GALNTL6: variants seen among roughly 807,000 people sequenced by gnomAD.
GALNTL6 encodes the protein polypeptide N-acetylgalactosaminyltransferase-like 6.
GALNTL6 carries 46 observed loss-of-function variants against 73.7 expected under a neutral mutation model. The ratio of observed to expected loss-of-function variants is 0.62; its 90% CI spans 0.49 to 0.80. The LOEUF is 0.80. Among genes scored for constraint, GALNTL6 ranks in the 30% least tolerant of loss-of-function variants. The probability of loss-of-function intolerance (pLI) is 0.00; values close to 1 mark genes in which losing one functional copy is unlikely to be tolerated. For synonymous variants in GALNTL6, 259 were observed against 263.7 expected (o/e 0.98, Z 0.17); for missense variants, 604 against 755.0 (o/e 0.80, Z 2.34).
intron 5 of GALNTL6, among the ~76,000 whole-genome samples, chr4:172,540,174 C>T (rs1735499680): frequency 6.6e-6 from 1 of 151,646 alleles, no homozygotes; most frequent in South Asian, 2.1e-4. Context: ...CCTCAGCCTC[C>T]CGAGTAGCTG....
chr4:172,089,582 A>G (rs1017043958), intron 2 of GALNTL6, among the ~76,000 whole-genome samples: 9 of 152,166 alleles, frequency 5.9e-5, no homozygotes, highest in Admixed American at 2.6e-4. Flanking sequence ...AATATTCAGG[A>G]TTAAGTCTAG....
chr4:171,871,093 A>G (rs1247490633), intron 2 of GALNTL6, among the ~76,000 whole-genome samples: 1 of 152,206 alleles, frequency 6.6e-6, no homozygotes, highest in Non-Finnish European at 1.5e-5. Flanking sequence ...TAATAATAAA[A>G]TAGTGAACAA....
chr4:171,980,626 C>A (rs915370334), intron 2 of GALNTL6, among the ~76,000 whole-genome samples: 2 of 152,174 alleles, frequency 1.3e-5, no homozygotes, highest in African/African-American at 4.8e-5. Context: ...CGACATCAAA[C>A]TTCTCATCAA....
At chr4:172,975,766 G>C (rs912818887) in intron 10 of GALNTL6, among the ~76,000 whole-genome samples, 3 of 152,172 alleles carry the variant, frequency 2.0e-5, no homozygotes, top group Non-Finnish European at 4.4e-5. Flanking sequence ...TGGCATGTCA[G>C]TGCCATCCGG....
At chr4:172,050,580 C>T (rs976708853) in intron 2 of GALNTL6, among the ~76,000 whole-genome samples, 6 of 152,134 alleles carry the variant, frequency 3.9e-5, no homozygotes, top group Admixed American at 1.3e-4. Context: ...GTCCTTAGCA[C>T]CCCTTTATCT....
intron 10 of GALNTL6, among the ~76,000 whole-genome samples, chr4:172,974,846 T>C (rs1355280763): frequency 6.6e-6 from 1 of 152,228 alleles, no homozygotes; most frequent in Non-Finnish European, 1.5e-5. Flanking sequence ...ACTGGCTCCC[T>C]GCAAGGCTGC....
intron 5 of GALNTL6, among the ~76,000 whole-genome samples, chr4:172,608,371 A>G (rs1225387894): frequency 2.6e-5 from 4 of 152,226 alleles, no homozygotes; most frequent in Admixed American, 2.6e-4. Context: ...TCCCCGTATC[A>G]TTTATTGAAT....
At chr4:172,869,113 T>G (rs1420872294) in intron 7 of GALNTL6, among the ~76,000 whole-genome samples, 3 of 152,122 alleles carry the variant, frequency 2.0e-5, no homozygotes, top group Admixed American at 2.0e-4. Context: ...CTGGAAGGCA[T>G]AGAGCTATCT....
At chr4:172,259,300 T>C (rs564063750) in intron 3 of GALNTL6, among the ~76,000 whole-genome samples, 59 of 151,628 alleles carry the variant, frequency 3.9e-4, no homozygotes, top group African/African-American at 1.3e-3. Flanking sequence ...ATGGCCATTC[T>C]TGCAGGAGTA....
chr4:172,145,508 A>G (rs749799680), intron 2 of GALNTL6, among the ~76,000 whole-genome samples: 3 of 151,990 alleles, frequency 2.0e-5, no homozygotes, highest in African/African-American at 4.8e-5. Flanking sequence ...GCCTCCCAAA[A>G]TTCTGGGGTT....
At chr4:172,585,294 T>C (rs957202984) in intron 5 of GALNTL6, among the ~76,000 whole-genome samples, 29 of 152,140 alleles carry the variant, frequency 1.9e-4, no homozygotes, top group African/African-American at 6.0e-4. Context: ...AACATGCAGG[T>C]TTGTTACATA....
At chr4:171,820,562 T>C (rs1199163481) in intron 2 of GALNTL6, among the ~76,000 whole-genome samples, 1 of 152,230 alleles carries the variant, frequency 6.6e-6, no homozygotes, top group Non-Finnish European at 1.5e-5. Flanking sequence ...GTTTTTTCCA[T>C]TGCTTTGAAT....
intron 5 of GALNTL6, among the ~76,000 whole-genome samples, chr4:172,494,387 T>C (rs1204783589): frequency 6.6e-6 from 1 of 152,238 alleles, no homozygotes; most frequent in Non-Finnish European, 1.5e-5. Context: ...ACATTTTCTT[T>C]TGAGAACCTG....
intron 7 of GALNTL6, among the ~76,000 whole-genome samples, chr4:172,819,928 A>G (rs1042577268): frequency 6.6e-6 from 1 of 152,242 alleles, no homozygotes; most frequent in Non-Finnish European, 1.5e-5. Flanking sequence ...CTTCTTCCCT[A>G]AAACACGACA....
chr4:172,550,919 C>T (rs1735932423), intron 5 of GALNTL6, among the ~76,000 whole-genome samples: 1 of 152,150 alleles, frequency 6.6e-6, no homozygotes, highest in Admixed American at 6.5e-5. Flanking sequence ...GTCTGAGCCC[C>T]CACATATTTA....
intron 2 of GALNTL6, among the ~76,000 whole-genome samples, chr4:172,027,502 C>T (rs998044426): frequency 6.6e-6 from 1 of 152,040 alleles, no homozygotes; most frequent in East Asian, 1.9e-4. Flanking sequence ...TCTGACTGAT[C>T]CACTCACTGG....
At chr4:172,657,130 G>T (rs1051847884) in intron 5 of GALNTL6, among the ~76,000 whole-genome samples, 1 of 152,120 alleles carries the variant, frequency 6.6e-6, no homozygotes, top group Non-Finnish European at 1.5e-5. Flanking sequence ...ATGCTGATAG[G>T]CCACTGAGCT....
intron 2 of GALNTL6, among the ~76,000 whole-genome samples, chr4:171,990,950 A>G (rs932038652): frequency 6.6e-6 from 1 of 152,202 alleles, no homozygotes; most frequent in African/African-American, 2.4e-5. Flanking sequence ...AGAAAATAAA[A>G]CAGGAGATAT....
At chr4:172,016,906 G>A (rs1205271159) in intron 2 of GALNTL6, among the ~76,000 whole-genome samples, 5 of 151,952 alleles carry the variant, frequency 3.3e-5, no homozygotes, top group Non-Finnish European at 5.9e-5. Flanking sequence ...TTGGTTTAGT[G>A]GTTATATTCT....
Sources: gnomAD v4.1 joint callset for allele counts (sites outside exome capture counted in the v4.1 genomes callset) on GRCh38, gnomAD v4.1.1 for gene constraint, MANE v1.5 for transcripts, NCBI Gene and HGNC (gene_info 2026-07-23, HGNC 2026-07-21) for gene names.